The following SNX3 variants were observed in gnomAD, a reference collection of about 807,000 sequenced individuals.
SNX3 encodes the protein sorting nexin 3, also known as sorting nexin-3.
Under a neutral mutation model 17.7 loss-of-function variants are expected in SNX3, and 5 were observed. The observed-to-expected ratio is 0.28, with a 90% CI of 0.15 to 0.59. The LOEUF is 0.59. SNX3 is among the 20% of genes least tolerant of loss of function. SNX3 has a pLI of 0.88. For missense variants in SNX3, 132 were observed against 206.8 expected, an observed-to-expected ratio of 0.64 and a Z score of 2.22; for synonymous variants, 91 against 76.5, an observed-to-expected ratio of 1.19 and a Z score of -0.99.
At chr6:108,251,534 TC>T (rs1408632073) in intron 1 of SNX3, among the ~76,000 whole-genome samples, 1 of 151,996 alleles carries the variant, frequency 6.6e-6, no homozygotes, top group African/African-American at 2.4e-5. Flanking sequence ...AAATAAACAT[TC>T]CCCTTGGCTA....
At chr6:108,227,982 A>G (rs1333756402) in intron 1 of SNX3, among the ~76,000 whole-genome samples, 3 of 152,172 alleles carry the variant, frequency 2.0e-5, no homozygotes, top group Admixed American at 1.3e-4. Context: ...CTGATCATCT[A>G]TAAAAGGGCA....
intron 2 of SNX3, among the ~76,000 whole-genome samples, chr6:108,217,766 AT>A (rs1281065355): frequency 1.3e-5 from 2 of 151,868 alleles, no homozygotes; most frequent in African/African-American, 4.8e-5. Flanking sequence ...AAAAAAAAAA[AT>A]TCTAATACTA....
chr6:108,240,990 A>C (rs1438040155), intron 1 of SNX3, among the ~76,000 whole-genome samples: 1 of 151,678 alleles, frequency 6.6e-6, no homozygotes, highest in African/African-American at 2.4e-5. Context: ...AAAATACAAA[A>C]AATTAGCTGG....
At chr6:108,249,753 G>C (rs1775793475) in intron 1 of SNX3, among the ~76,000 whole-genome samples, 1 of 152,160 alleles carries the variant, frequency 6.6e-6, no homozygotes, top group Admixed American at 6.5e-5. Flanking sequence ...TGGGCCTCTA[G>C]GAGGAAAGAA....
chr6:108,226,708 T>C (rs748990693), intron 1 of SNX3, among the ~76,000 whole-genome samples: 7 of 152,236 alleles, frequency 4.6e-5, no homozygotes, highest in Non-Finnish European at 8.8e-5. Flanking sequence ...TAGCTGTCAC[T>C]CAGCACAAGA....
At chr6:108,223,116 T>A (rs979411355) in intron 1 of SNX3, 71 bp from the exon 2 acceptor site, 1 of 743,152 alleles carries the variant, frequency 1.3e-6, no homozygotes, top group Non-Finnish European at 2.3e-6. Context: ...GGGACGGGTA[T>A]GGCAAAACAA....
intron 2 of SNX3, among the ~76,000 whole-genome samples, chr6:108,215,176 T>C (rs1183056731): frequency 6.6e-6 from 1 of 150,666 alleles, no homozygotes; most frequent in African/African-American, 2.4e-5. Flanking sequence ...GGTGAAACCC[T>C]GTCTCTACTA....
At chr6:108,247,310 A>T (rs1562437732) in intron 1 of SNX3, among the ~76,000 whole-genome samples, 1 of 152,076 alleles carries the variant, frequency 6.6e-6, no homozygotes. Context: ...ATGGAGTAAG[A>T]CAGGAGGAAA....
chr6:108,237,037 G>T (rs994000308), intron 1 of SNX3, among the ~76,000 whole-genome samples: 1 of 152,158 alleles, frequency 6.6e-6, no homozygotes, highest in African/African-American at 2.4e-5. Context: ...ATTAGAAATG[G>T]AAAGTAACTC....
intron 1 of SNX3, among the ~76,000 whole-genome samples, chr6:108,232,592 G>A (rs1775202517): frequency 6.6e-6 from 1 of 152,132 alleles, no homozygotes. Context: ...TTAGAAAAAT[G>A]TTTACTAGGT....
At chr6:108,239,748 T>C (rs1036393260) in intron 1 of SNX3, among the ~76,000 whole-genome samples, 5 of 152,238 alleles carry the variant, frequency 3.3e-5, no homozygotes, top group Admixed American at 6.5e-5. Flanking sequence ...ACTATGGTTA[T>C]AGTACTTGAC....
At chr6:108,257,888 C>T (rs1451283476) in intron 1 of SNX3, among the ~76,000 whole-genome samples, 4 of 151,450 alleles carry the variant, frequency 2.6e-5, no homozygotes, top group Admixed American at 6.6e-5. Flanking sequence ...CGCTTGAACT[C>T]GGAAGGCAGA....
At chr6:108,239,416 A>T (rs1478825250) in intron 1 of SNX3, among the ~76,000 whole-genome samples, 3 of 152,174 alleles carry the variant, frequency 2.0e-5, no homozygotes, top group African/African-American at 7.2e-5. Flanking sequence ...TGAGGCCAAG[A>T]GTTCAAGACA....
intron 1 of SNX3, among the ~76,000 whole-genome samples, chr6:108,258,241 C>T (rs1323040090): frequency 1.3e-5 from 2 of 151,968 alleles, no homozygotes; most frequent in Admixed American, 6.6e-5. Flanking sequence ...AGGTGGATCA[C>T]GAGGTCAGGA....
intron 2 of SNX3, among the ~76,000 whole-genome samples, chr6:108,220,069 A>G (rs217130): frequency 8.5e-4 from 129 of 152,338 alleles, no homozygotes; most frequent in African/African-American, 2.8e-3. Context: ...ATTTTTGTAC[A>G]TTTGTTCAAT....
intron 1 of SNX3, among the ~76,000 whole-genome samples, chr6:108,241,573 A>C (rs1354443363): frequency 6.6e-6 from 1 of 152,138 alleles, no homozygotes; most frequent in African/African-American, 2.4e-5. Context: ...CACTGAGATA[A>C]GCTGACAAAC....
intron 3 of SNX3, among the ~76,000 whole-genome samples, chr6:108,214,100 T>C (rs895338270): frequency 6.6e-6 from 1 of 152,234 alleles, no homozygotes; most frequent in Non-Finnish European, 1.5e-5. Flanking sequence ...TGCACCTTTA[T>C]ACAAGACATG....
At chr6:108,222,316 C>A in intron 2 of SNX3, 1 of 1,304,040 alleles carries the variant, frequency 7.7e-7, no homozygotes, top group Non-Finnish European at 1.0e-6. Context: ...CATTCTGAGG[C>A]AGGGCTGAAA....
At chr6:108,235,882 T>A (rs1422819466) in intron 1 of SNX3, among the ~76,000 whole-genome samples, 1 of 152,116 alleles carries the variant, frequency 6.6e-6, no homozygotes, top group Non-Finnish European at 1.5e-5. Flanking sequence ...AGTGAGACTC[T>A]ACCTCAAAAA....
Sources: gnomAD v4.1 joint callset for allele counts (sites outside exome capture counted in the v4.1 genomes callset) on GRCh38, gnomAD v4.1.1 for gene constraint, MANE v1.5 for transcripts, NCBI Gene and HGNC (gene_info 2026-07-23, HGNC 2026-07-21) for gene names.